CCR5AS: variants seen among roughly 807,000 people sequenced by gnomAD.
The protein encoded by CCR5AS is CCR5 antisense RNA.
chr3:46,371,741 T>C (rs1288872525), intron 2 of CCR5AS, among the ~76,000 whole-genome samples: 1 of 151,284 alleles, frequency 6.6e-6, no homozygotes, highest in Non-Finnish European at 1.5e-5. Flanking sequence ...ATTTCTTGGG[T>C]ATGTATGACA....
At chr3:46,405,101 C>T (rs571462214) in intron 1 of CCR5AS, among the ~76,000 whole-genome samples, 12 of 152,298 alleles carry the variant, frequency 7.9e-5, no homozygotes, top group South Asian at 4.2e-4. Flanking sequence ...ACTTTCCTTT[C>T]GCCTCAACTG....
intron 2 of CCR5AS, among the ~76,000 whole-genome samples, chr3:46,390,342 C>A (rs994050789): frequency 6.6e-6 from 1 of 152,028 alleles, no homozygotes; most frequent in East Asian, 1.9e-4. Flanking sequence ...ATGGGAAGGA[C>A]GATTTGATCA....
intron 2 of CCR5AS, among the ~76,000 whole-genome samples, chr3:46,391,795 T>C (rs559584369): frequency 6.6e-6 from 1 of 151,876 alleles, no homozygotes; most frequent in South Asian, 2.1e-4. Context: ...TGGGGAAGAA[T>C]TGGGACCTGG....
At chr3:46,373,948 C>G in intron 2 of CCR5AS, 1 of 1,563,578 alleles carries the variant, frequency 6.4e-7, no homozygotes, top group Non-Finnish European at 8.7e-7. Flanking sequence ...CAGGAAATAT[C>G]TGTGGGCTTG....
intron 2 of CCR5AS, among the ~76,000 whole-genome samples, chr3:46,390,485 C>T (rs933272761): frequency 5.9e-5 from 9 of 152,034 alleles, no homozygotes; most frequent in African/African-American, 2.2e-4. Flanking sequence ...AGGCTTTAAC[C>T]CTTTTAAAGC....
exon 4 of CCR5AS, chr3:46,364,887 T>TG (rs1701585860): frequency 6.6e-6 from 1 of 152,268 alleles, no homozygotes; most frequent in Non-Finnish European, 1.5e-5. Flanking sequence ...GCTGTAGATG[T>TG]GGTGGAAACA....
At chr3:46,370,187 A>G (rs1701643287) in intron 3 of CCR5AS, among the ~76,000 whole-genome samples, 1 of 152,182 alleles carries the variant, frequency 6.6e-6, no homozygotes, top group African/African-American at 2.4e-5. Flanking sequence ...CCACCTATGT[A>G]TCTGGCATAG....
chr3:46,373,873 G>C, intron 2 of CCR5AS: 1 of 1,613,186 alleles, frequency 6.2e-7, no homozygotes, highest in Non-Finnish European at 8.5e-7. Context: ...TGCAAATGCT[G>C]TTCTATTTTC....
In CCR5AS at chr3:46,385,968, G is replaced by T. The variant is rs145249631; in HGVS notation, n.391+6857C>A. Among the ~76,000 whole-genome samples, 103 of 152,158 alleles carry T rather than the reference G, an allele frequency of 6.8e-4. 1 individual carries two copies. The highest frequency in any genetic ancestry group is 2.4e-3 in the African/African-American group (101 of 41,498). Reference sequence around the variant, plus strand: ...TATTTTATTTTATTTTTGAGACAGGGTCTCACTTTGTTGGCTCGCTGCAAC... The same window carrying T: ...TATTTTATTTTATTTTTGAGACAGGTTCTCACTTTGTTGGCTCGCTGCAAC... On this transcript the variant is annotated intron_variant and non_coding_transcript_variant, in intron 2 of 3. Transcript: ENST00000451485.
intron 2 of CCR5AS, among the ~76,000 whole-genome samples, chr3:46,372,350 G>A (rs1490205562): frequency 2.6e-5 from 4 of 152,110 alleles, no homozygotes; most frequent in African/African-American, 7.2e-5. Context: ...GGGCAACATA[G>A]TGTGATCTTG....
rs111613073 is a variant in CCR5AS, at chr3:46,367,013, C to T, written n.566-1968G>A. On this transcript the variant is annotated intron_variant and non_coding_transcript_variant, in intron 3 of 3. Transcript: ENST00000451485. ...TGAACAACGGGAAGAGCCCGACTGT[C>T]AATGACGGAGCTCTGTTAAATATAG... is the stretch of plus-strand genomic sequence containing the variant. Among the ~76,000 whole-genome samples, 603 of 152,124 alleles carry T rather than the reference C, an allele frequency of 4.0e-3. 2 individuals are homozygous for T. Among genetic ancestry groups the T allele is most frequent in the African/African-American group, 0.013 (553 of 41,502 alleles).
intron 2 of CCR5AS, among the ~76,000 whole-genome samples, chr3:46,386,204 C>T (rs140735440): frequency 2.4e-4 from 36 of 152,250 alleles, no homozygotes; most frequent in African/African-American, 8.2e-4. Flanking sequence ...GAATGAGCCA[C>T]CCCACCCGAC....
intron 2 of CCR5AS, among the ~76,000 whole-genome samples, chr3:46,377,906 C>T (rs1214979768): frequency 3.9e-5 from 6 of 152,078 alleles, no homozygotes; most frequent in Non-Finnish European, 5.9e-5. Flanking sequence ...AGGGTTTCAC[C>T]GTATTAGCCA....
At chr3:46,375,954 G>C (rs937843865) in intron 2 of CCR5AS, 1 of 167,064 alleles carries the variant, frequency 6.0e-6, no homozygotes, top group Non-Finnish European at 1.5e-5. Context: ...AGAATAATAA[G>C]AGGTGCTACT....
intron 2 of CCR5AS, among the ~76,000 whole-genome samples, chr3:46,383,396 T>C (rs1701831804): frequency 6.6e-6 from 1 of 152,178 alleles, no homozygotes; most frequent in Admixed American, 6.5e-5. Context: ...GACAGAAGCT[T>C]ACACTCAAGG....
chr3:46,403,172 T>G (rs924009869), intron 1 of CCR5AS, among the ~76,000 whole-genome samples: 8 of 152,262 alleles, frequency 5.3e-5, no homozygotes, highest in African/African-American at 1.7e-4. Context: ...TCCATGTCTT[T>G]GCTACTGTGA....
At position 46,372,954 on chromosome 3, in the gene CCR5AS, G is replaced by A. The variant is rs142904831; in HGVS notation, n.392-1537C>T. ...CTATGACATCAATTATTATACATCG[G>A]AGCCCTGCCAAAAAATCAATGTGAA... On this transcript the variant is annotated intron_variant and non_coding_transcript_variant, in intron 2 of 3. Transcript: ENST00000451485. 7.7e-5 allele frequency: 124 copies of A among 1,611,860 alleles called. 1 individual carries two copies. Among genetic ancestry groups the A allele is most frequent in the South Asian group, 9.9e-5 (9 of 90,812 alleles).
intron 2 of CCR5AS, among the ~76,000 whole-genome samples, chr3:46,371,987 C>T (rs1339263043): frequency 2.0e-5 from 3 of 152,172 alleles, no homozygotes; most frequent in African/African-American, 7.2e-5. Flanking sequence ...CATTCAAAAT[C>T]GGTTGCTTAC....
intron 2 of CCR5AS, among the ~76,000 whole-genome samples, chr3:46,381,391 G>T (rs1043063064): frequency 3.9e-5 from 6 of 152,138 alleles, no homozygotes; most frequent in African/African-American, 1.4e-4. Context: ...TGATAATTCT[G>T]CAGAGAATTA....
Sources: allele counts gnomAD v4.1 joint callset (sites outside exome capture counted in the v4.1 genomes callset), GRCh38; gene constraint gnomAD v4.1.1; transcripts MANE v1.5; gene names NCBI Gene and HGNC (gene_info 2026-07-23, HGNC 2026-07-21).